The following MAPT variants were observed in gnomAD, a reference collection of about 807,000 sequenced individuals.
MAPT encodes microtubule-associated protein tau.
In MAPT, 34 loss-of-function variants were observed where a neutral mutation model predicts 67.9. That is an observed-to-expected ratio of 0.50 (90% CI 0.38 to 0.67). MAPT has a LOEUF of 0.67. Ranked by LOEUF, MAPT falls within the 30% of genes least tolerant of loss-of-function variation. The pLI is 0.00. For synonymous variants in MAPT, 456 were observed against 464.5 expected (o/e 0.98, Z 0.23); for missense variants, 881 against 1,115.2 (o/e 0.79, Z 2.99).
At chr17:45,909,869 C>CAAAAAAAA (rs59131080) in intron 1 of MAPT, among the ~76,000 whole-genome samples, 4 of 59,856 alleles carry the variant, frequency 6.7e-5, no homozygotes, top group Non-Finnish European at 9.1e-5. Flanking sequence ...GACTCTGTCT[C>CAAAAAAAA]AAAAAAAAAA....
chr17:45,939,651 C>T (rs569500242), intron 1 of MAPT, among the ~76,000 whole-genome samples: 6 of 152,316 alleles, frequency 3.9e-5, no homozygotes, highest in Admixed American at 2.0e-4. Flanking sequence ...TCTAATTACT[C>T]GCTCTTTCTC....
intron 1 of MAPT, among the ~76,000 whole-genome samples, chr17:45,955,510 C>A (rs901592571): frequency 2.0e-5 from 3 of 152,200 alleles, no homozygotes; most frequent in Admixed American, 6.5e-5. Context: ...AGCCACCTCA[C>A]CCACCTACAG....
At chr17:45,998,558 T>G (rs555349808) in intron 9 of MAPT, among the ~76,000 whole-genome samples, 87 of 152,278 alleles carry the variant, frequency 5.7e-4, no homozygotes, top group South Asian at 2.1e-3. Flanking sequence ...TCCCTCCTGA[T>G]GGCAAACGAT....
chr17:45,937,473 C>G (rs2067441176), intron 1 of MAPT, among the ~76,000 whole-genome samples: 1 of 151,722 alleles, frequency 6.6e-6, no homozygotes, highest in South Asian at 2.1e-4. Flanking sequence ...CACCTGTAGT[C>G]CTAGCTACTT....
At chr17:45,965,080 G>A (rs1438729040) in intron 2 of MAPT, among the ~76,000 whole-genome samples, 1 of 152,084 alleles carries the variant, frequency 6.6e-6, no homozygotes, top group Non-Finnish European at 1.5e-5. Flanking sequence ...AGGTGCCTGG[G>A]ACTGGGGTGT....
In MAPT at chr17:45,915,222, TGTG is replaced by T. The variant is rs2065099154; in HGVS notation, c.-18+20538_-18+20540del. Among the ~76,000 whole-genome samples the T allele has an allele frequency of 1.1e-4, 17 of 151,272 alleles. No homozygotes were observed. In the South Asian group the frequency reaches 3.6e-3, roughly 32 times the overall value. On this transcript the variant is annotated intron_variant, in intron 1 of 12. Transcript: ENST00000262410. This position sits in a 1 kb window ranked among gnomAD's most constrained non-coding sequence, Gnocchi z 4.4. ...GGAGTGCGTGTGTGTGCGCGCAAAG[TGTG>T]GGGGGATGGGGGTGAGTGTGTGTGG...
At chr17:46,014,597 G>A (rs974952473) in intron 11 of MAPT, among the ~76,000 whole-genome samples, 74 of 152,326 alleles carry the variant, frequency 4.9e-4, no homozygotes, top group Non-Finnish European at 1.6e-4. Flanking sequence ...ATTCTCGGCC[G>A]GGCGCTGTGG....
chr17:45,972,183 C>T (rs535867794), intron 3 of MAPT: 18 of 677,444 alleles, frequency 2.7e-5, no homozygotes, highest in African/African-American at 7.1e-5. Context: ...TGGACAGTCC[C>T]GCGCACAGCT....
chr17:45,948,580 G>A (rs373510402), intron 1 of MAPT, among the ~76,000 whole-genome samples: 3 of 152,082 alleles, frequency 2.0e-5, no homozygotes, highest in African/African-American at 7.2e-5. Flanking sequence ...ATTTAATCTC[G>A]GCTATCACTT....
intron 1 of MAPT, among the ~76,000 whole-genome samples, chr17:45,930,363 C>T (rs2066729758): frequency 6.7e-6 from 1 of 148,934 alleles, no homozygotes; most frequent in African/African-American, 2.5e-5. Flanking sequence ...GCCGAGATCG[C>T]ACTACTGCAT....
chr17:45,957,612 C>T lies in MAPT; in HGVS notation c.-17-4709C>T, dbSNP rs117288548. On this transcript the variant is annotated intron_variant, in intron 1 of 12. Coordinates refer to ENST00000262410, the MANE Select transcript of MAPT (RefSeq NM_001377265.1). ...AGAGCCCTGGTTAATTAATCATCCA[C>T]GTGTTGATGGGGAGAGGCCCATTCA... 3.6e-3 allele frequency among the ~76,000 whole-genome samples: 551 copies of T among 152,310 alleles called. 12 individuals are homozygous for T. The highest frequency in any genetic ancestry group is 0.028 in the East Asian group (147 of 5,190).
intron 6 of MAPT, among the ~76,000 whole-genome samples, chr17:45,987,698 G>A (rs560252550): frequency 2.0e-5 from 3 of 152,362 alleles, no homozygotes; most frequent in South Asian, 4.1e-4. Context: ...ACTGGAGCCC[G>A]GAGGGCATCT....
At chr17:46,014,191 T>C (rs1243491764) in intron 10 of MAPT, 52 bp from the exon 11 acceptor site, 2 of 1,027,594 alleles carry the variant, frequency 1.9e-6, no homozygotes, top group African/African-American at 3.1e-5. Flanking sequence ...TGTCTCTCTG[T>C]CTTCCTCTCT....
At chr17:45,902,097 C>T (rs190089818) in intron 1 of MAPT, among the ~76,000 whole-genome samples, 2 of 151,872 alleles carry the variant, frequency 1.3e-5, no homozygotes, top group East Asian at 1.9e-4. Context: ...TTTTTTGAGA[C>T]GGAGTCTCGC....
At chr17:45,970,817 G>A (rs2071585525) in intron 2 of MAPT, among the ~76,000 whole-genome samples, 1 of 152,212 alleles carries the variant, frequency 6.6e-6, no homozygotes, top group Non-Finnish European at 1.5e-5. Flanking sequence ...TCTCCAGGAG[G>A]ACCCTATCGG....
At chr17:45,936,551 CCT>C (rs752772247) in intron 1 of MAPT, among the ~76,000 whole-genome samples, 8 of 152,318 alleles carry the variant, frequency 5.3e-5, no homozygotes, top group South Asian at 2.1e-4. Context: ...CAAATCCACC[CCT>C]GAGTGTGTTG....
At position 45,983,513 on chromosome 17, in the gene MAPT, G is replaced by C; in HGVS notation, c.934G>C (p.Ala312Pro). 6.2e-7 allele frequency: 1 copy of C among 1,612,792 alleles called. No individual in the cohort carries two copies. Among genetic ancestry groups the C allele is most frequent in the South Asian group, 1.1e-5 (1 of 91,066 alleles). Residue 312 changes from alanine (A) to proline (P), a missense_variant, in exon 5 of 13, where the codon GCC (alanine) becomes CCC (proline). Ala to Pro is a conservative substitution (Grantham distance 27, BLOSUM62 -1). Coordinates refer to ENST00000262410, the MANE Select transcript of MAPT (RefSeq NM_001377265.1). The part of the protein sequence containing the change: ...SSPQDSPPSK[A>P]SPAQDGRPPQ... The stretch of plus-strand genomic sequence containing the variant: ...CCCCCAAGACTCCCCTCCCTCCAAG[G>C]CCTCCCCAGCCCAAGATGGGCGGCC...
chr17:45,900,364 G>A lies in MAPT; in HGVS notation c.-18+5678G>A, dbSNP rs185273085. ...GCCTGCCCAGATGGCTCCCAACTGA[G>A]TGTGAGGAGGAATTTGAGACAGGTT... is the stretch of plus-strand genomic sequence containing the variant. On this transcript the variant is annotated intron_variant, in intron 1 of 12. Coordinates refer to ENST00000262410, the MANE Select transcript of MAPT (RefSeq NM_001377265.1). 2.7e-3 allele frequency among the ~76,000 whole-genome samples: 410 copies of A among 150,522 alleles called. 2 individuals are homozygous for A. The highest frequency in any genetic ancestry group is 0.014 in the Middle Eastern group (4 of 284).
intron 1 of MAPT, among the ~76,000 whole-genome samples, chr17:45,924,354 C>T (rs914287548): frequency 6.6e-6 from 1 of 152,246 alleles, no homozygotes; most frequent in Non-Finnish European, 1.5e-5. Flanking sequence ...TGCTCAGTTC[C>T]TCACCATTAG....
Sources: allele counts gnomAD v4.1 joint callset (sites outside exome capture counted in the v4.1 genomes callset), GRCh38; gene constraint gnomAD v4.1.1; non-coding constraint Gnocchi (gnomAD v3.1); transcripts MANE v1.5; gene names NCBI Gene and HGNC (gene_info 2026-07-23, HGNC 2026-07-21).